Variants in TRMT9B observed in about 807,000 individuals in gnomAD.
TRMT9B encodes the protein tRNA methyltransferase 9B (putative), also known as probable tRNA methyltransferase 9B.
TRMT9B carries 16 observed loss-of-function variants against 11.5 expected under a neutral mutation model. That is an observed-to-expected ratio of 1.39 (90% CI 0.94 to 2.11). TRMT9B has a LOEUF of 2.11. Among genes scored for constraint, TRMT9B ranks in the 30% most tolerant of loss-of-function variants. The pLI, the probability that TRMT9B is intolerant of heterozygous loss-of-function variation, is 0.00. For missense variants in TRMT9B, 941 were observed against 553.8 expected, an observed-to-expected ratio of 1.70 and a Z score of -7.02; for synonymous variants, 274 against 192.4, an observed-to-expected ratio of 1.42 and a Z score of -3.51.
chr8:13,004,028 C>T (rs564175619), intron 2 of TRMT9B, among the ~76,000 whole-genome samples: 1 of 151,760 alleles, frequency 6.6e-6, no homozygotes, highest in East Asian at 2.0e-4. Flanking sequence ...AACACCGTAT[C>T]GAACTCAGTG....
At chr8:12,988,351 T>C (rs536519043) in intron 1 of TRMT9B, among the ~76,000 whole-genome samples, 6 of 152,340 alleles carry the variant, frequency 3.9e-5, no homozygotes, top group South Asian at 4.1e-4. Flanking sequence ...AGATCCATGA[T>C]AATTAATAAT....
rs980441003 is a variant in TRMT9B at position 13,027,775 on chromosome 8, C to G, written c.*5731C>G. On this transcript the variant is annotated 3_prime_UTR_variant, in exon 5 of 5. Transcript: ENST00000524591. ...TAAGCGTTATTATACACCCGTCCAG[C>G]AGATGGGAAAACCACGGAAGTGGGA... is the stretch of plus-strand genomic sequence containing the variant. The G allele has an allele frequency of 6.1e-6, 1 of 164,060 alleles. No individual in the cohort carries two copies. The highest frequency in any genetic ancestry group is 1.5e-5 in the Non-Finnish European group (1 of 67,692). 10.2% of individuals were successfully genotyped at this position (164,060 alleles called of 1,614,324 possible).
intron 1 of TRMT9B, among the ~76,000 whole-genome samples, chr8:12,946,823 G>C (rs764593467): frequency 1.6e-4 from 25 of 152,114 alleles, no homozygotes; most frequent in Admixed American, 1.3e-4. Flanking sequence ...TCTTTTTGGT[G>C]CATAAAACCC....
At chr8:13,016,534 A>G (rs1276833904) in intron 4 of TRMT9B, among the ~76,000 whole-genome samples, 2 of 151,726 alleles carry the variant, frequency 1.3e-5, no homozygotes, top group African/African-American at 4.8e-5. Context: ...ATATAAGTAT[A>G]TATATATTTG....
chr8:12,968,652 C>T (rs1803157820), intron 1 of TRMT9B, among the ~76,000 whole-genome samples: 1 of 152,206 alleles, frequency 6.6e-6, no homozygotes, highest in Non-Finnish European at 1.5e-5. Context: ...TGGGAGGAGT[C>T]AGTCCTCAGG....
chr8:12,983,699 G>A (rs1169155490), intron 1 of TRMT9B, among the ~76,000 whole-genome samples: 2 of 152,050 alleles, frequency 1.3e-5, no homozygotes, highest in African/African-American at 4.8e-5. Flanking sequence ...AACCCTTCTA[G>A]CAGAATGTCT....
rs747709644 is a variant in TRMT9B, at chr8:13,023,449, A to T, written c.*1405A>T. The T allele has an allele frequency of 1.0e-4, 17 of 167,102 alleles. No homozygotes were observed. The highest frequency in any genetic ancestry group is 2.3e-4 in the Non-Finnish European group (16 of 68,126). 10.4% of individuals were successfully genotyped at this position (167,102 alleles called of 1,614,324 possible). On this transcript the variant is annotated 3_prime_UTR_variant, in exon 5 of 5. Transcript: ENST00000524591. ...GGTAGAATCAACTTCTACTGATTAC[A>T]GGTTGAATTTCTGTCACTTTGTAGA... is the stretch of plus-strand genomic sequence containing the variant.
Position 13,022,219 on chromosome 8 carries a change from G to T in TRMT9B, c.*175G>T. On this transcript the variant is annotated 3_prime_UTR_variant, in exon 5 of 5. Coordinates refer to ENST00000524591, the MANE Select transcript of TRMT9B (RefSeq NM_020844.3). ...TCATTTTTGAATAAGCACAGATTCT[G>T]GCATTGAAAGCACTTGACAAAGGGT... 3.7e-6 allele frequency: 2 copies of T among 541,842 alleles called. No homozygotes were observed. The highest frequency in any genetic ancestry group is 3.2e-5 in the South Asian group (1 of 30,946). The allele number at this position is 541,842 out of a possible 1,614,324, so 33.6% of individuals were successfully genotyped here. A position where few individuals can be genotyped will look rare whatever the true frequency, so the allele number is the denominator to read the frequency against.
intron 4 of TRMT9B, among the ~76,000 whole-genome samples, chr8:13,015,423 G>A (rs987575112): frequency 6.6e-6 from 1 of 152,046 alleles, no homozygotes; most frequent in Non-Finnish European, 1.5e-5. Context: ...TGGTTGGAGT[G>A]CAATGGCAGC....
In TRMT9B at chr8:13,006,336, G is replaced by GCAGCCTCATCGCTGACATAGGTAACCAGA. The variant is rs1810457115; in HGVS notation, c.154+8_154+9insACAGCCTCATCGCTGACATAGGTAACCAG. 6.2e-7 allele frequency: 1 copy of GCAGCCTCATCGCTGACATAGGTAACCAGA among 1,600,958 alleles called. No homozygotes were observed. The highest frequency in any genetic ancestry group is 2.2e-5 in the East Asian group (1 of 44,620). ...CAGTTCCTGCAAGAGCAGAAGCCAG[G>GCAGCCTCATCGCTGACATAGGTAACCAGA]CAGCCTCATCGCTGACATAGGTAAC... is the stretch of plus-strand genomic sequence containing the variant. On this transcript the variant is annotated frameshift_variant, in exon 3 of 5. Transcript: ENST00000524591. LOFTEE classifies it high-confidence loss of function.
intron 1 of TRMT9B, among the ~76,000 whole-genome samples, chr8:12,964,856 T>C (rs972899857): frequency 6.6e-6 from 1 of 152,142 alleles, no homozygotes; most frequent in African/African-American, 2.4e-5. Flanking sequence ...CCTCCCAAAG[T>C]GCTGGGATTA....
intron 4 of TRMT9B, among the ~76,000 whole-genome samples, chr8:13,019,833 G>A (rs1813476937): frequency 6.6e-6 from 1 of 152,144 alleles, no homozygotes; most frequent in Non-Finnish European, 1.5e-5. Flanking sequence ...GTTACCGAAA[G>A]TTCTAGCAGA....
At chr8:12,946,537 C>T (rs1040882887) in intron 1 of TRMT9B, among the ~76,000 whole-genome samples, 5 of 152,136 alleles carry the variant, frequency 3.3e-5, no homozygotes, top group African/African-American at 7.2e-5. Context: ...GGGCGAAGGA[C>T]CTCAGGTTCG....
chr8:13,014,430 T>G (rs957272260), intron 4 of TRMT9B, among the ~76,000 whole-genome samples: 1 of 152,184 alleles, frequency 6.6e-6, no homozygotes, highest in Non-Finnish European at 1.5e-5. Context: ...GGCTTAATTC[T>G]TGCTGCATCA....
chr8:13,008,845 C>G (rs1217439807), intron 3 of TRMT9B, among the ~76,000 whole-genome samples: 1 of 152,174 alleles, frequency 6.6e-6, no homozygotes, highest in African/African-American at 2.4e-5. Flanking sequence ...TCTCCTGCCT[C>G]AGCCTCCCTA....
chr8:12,970,479 C>T (rs1803445700), intron 1 of TRMT9B, among the ~76,000 whole-genome samples: 1 of 152,200 alleles, frequency 6.6e-6, no homozygotes, highest in South Asian at 2.1e-4. Context: ...GGTGCAGGGC[C>T]TCTTGGTAAA....
chr8:12,998,912 C>T (rs951885132), intron 2 of TRMT9B, among the ~76,000 whole-genome samples: 2 of 152,208 alleles, frequency 1.3e-5, no homozygotes, highest in African/African-American at 2.4e-5. Context: ...ACATCAAATA[C>T]TCAGAGTTGC....
intron 4 of TRMT9B, among the ~76,000 whole-genome samples, chr8:13,017,721 C>T (rs988854747): frequency 6.8e-6 from 1 of 146,816 alleles, no homozygotes; most frequent in Non-Finnish European, 1.5e-5. Flanking sequence ...TCTAGAGATT[C>T]TCTCACATCA....
intron 4 of TRMT9B, among the ~76,000 whole-genome samples, chr8:13,014,820 T>G (rs1187866778): frequency 1.3e-5 from 2 of 152,046 alleles, no homozygotes; most frequent in East Asian, 3.9e-4. Context: ...CCTAGCACTT[T>G]GGGAGGCCAA....
Sources: allele counts gnomAD v4.1 joint callset (sites outside exome capture counted in the v4.1 genomes callset), GRCh38; gene constraint gnomAD v4.1.1; transcripts MANE v1.5; gene names NCBI Gene and HGNC (gene_info 2026-07-23, HGNC 2026-07-21).